The following TBC1D32 variants were observed in gnomAD, a reference collection of about 807,000 sequenced individuals.
The protein encoded by TBC1D32 is protein broad-minded.
In TBC1D32, 151 loss-of-function variants were observed where a neutral mutation model predicts 170.3. The ratio of observed to expected loss-of-function variants is 0.89; its 90% confidence interval spans 0.78 to 1.01. The LOEUF is 1.01. TBC1D32 is among the 50% of genes least tolerant of loss of function. The probability of loss-of-function intolerance (pLI) is 0.00; values close to 1 mark genes in which losing one functional copy is unlikely to be tolerated. For missense variants in TBC1D32, 1,464 were observed against 1,457.1 expected (o/e 1.00, Z -0.08); for synonymous variants, 498 against 488.0 (o/e 1.02, Z -0.27).
chr6:121,213,283 T>C (rs1180870796), intron 21 of TBC1D32, among the ~76,000 whole-genome samples: 1 of 151,958 alleles, frequency 6.6e-6, no homozygotes, highest in African/African-American at 2.4e-5. Context: ...GACGGCATGA[T>C]TCTATATCTA....
At chr6:121,280,505 A>G (rs1802832128) in intron 14 of TBC1D32, among the ~76,000 whole-genome samples, 1 of 151,832 alleles carries the variant, frequency 6.6e-6, no homozygotes, top group Non-Finnish European at 1.5e-5. Context: ...CAACTGCAGA[A>G]TTACATAACA....
intron 10 of TBC1D32, among the ~76,000 whole-genome samples, chr6:121,295,812 T>C (rs1246427970): frequency 6.6e-6 from 1 of 152,144 alleles, no homozygotes; most frequent in Non-Finnish European, 1.5e-5. Context: ...TGGCCTCAGT[T>C]GTATGCAGAA....
At position 121,283,915 on chromosome 6, in the gene TBC1D32, A is replaced by G. The variant is rs922798510; in HGVS notation, c.1373-5T>C. 10 of 1,570,586 alleles carry G rather than the reference A, an allele frequency of 6.4e-6. No individual in the cohort carries two copies. The highest frequency in any genetic ancestry group is 7.8e-6 in the Non-Finnish European group (9 of 1,149,376). On this transcript the variant is annotated splice_polypyrimidine_tract_variant and splice_region_variant and intron_variant, in intron 12 of 31. Transcript: ENST00000398212. The stretch of plus-strand genomic sequence containing the variant: ...GATCTATGAGGGATACCAAACCTTT[A>G]AAAAGAAAATAAAGAGAAAATTAAT...
intron 20 of TBC1D32, among the ~76,000 whole-genome samples, chr6:121,229,613 C>T (rs1317754828): frequency 2.6e-5 from 4 of 152,110 alleles, no homozygotes; most frequent in African/African-American, 9.7e-5. Context: ...TTAGCCATTT[C>T]TGTTTTAATG....
chr6:121,131,549 C>G (rs1781440756), intron 25 of TBC1D32, 78 bp downstream of exon 25: 1 of 1,458,580 alleles, frequency 6.9e-7, no homozygotes, highest in African/African-American at 1.4e-5. Context: ...TATGCCAATA[C>G]TAATCTTTAA....
At chr6:121,113,217 T>A (rs1779366969) in intron 27 of TBC1D32, 40 bp from the exon 28 acceptor site, 3 of 1,339,614 alleles carry the variant, frequency 2.2e-6, no homozygotes, top group Non-Finnish European at 3.1e-6. Flanking sequence ...ATATCAGGTC[T>A]TGCATTGAAT....
Position 121,292,174 on chromosome 6 carries a change from G to C in TBC1D32, c.1251C>G (p.Phe417Leu). The change falls in exon 12 of 32, where the codon TTC becomes TTG. Residue 417 changes from phenylalanine to leucine, a missense_variant. Around this residue, in one of 3 missense-constraint regions of TBC1D32, gnomAD observed 1,363 missense variants for 1,338.1 expected, o/e 1.02. Coordinates refer to ENST00000398212, the MANE Select transcript of TBC1D32 (RefSeq NM_152730.6). The stretch of plus-strand genomic sequence containing the variant: ...ATTGTAATTCTTGTCCTAAGTAGTA[G>C]AAAGTTTTCTGCTTGTTTCCTTAAA... Reference protein sequence around the residue: ...SKHCRNKQKTFYYLGQELQYI... With the variant: ...SKHCRNKQKTLYYLGQELQYI... The C allele has an allele frequency of 4.4e-6, 7 of 1,592,686 alleles. No individual in the cohort carries two copies. The highest frequency in any genetic ancestry group is 5.1e-6 in the Non-Finnish European group (6 of 1,170,608).
At chr6:121,267,147 G>A (rs1440631293) in intron 15 of TBC1D32, among the ~76,000 whole-genome samples, 1 of 151,746 alleles carries the variant, frequency 6.6e-6, no homozygotes, top group Non-Finnish European at 1.5e-5. Context: ...AAAAGGTCGG[G>A]GGGAGGTTCC....
Position 121,300,106 on chromosome 6 carries a change from GAT to G in TBC1D32, c.1081-603_1081-602del, listed in dbSNP as rs1806239621. On this transcript the variant is annotated intron_variant, in intron 9 of 31. Coordinates refer to ENST00000398212, the MANE Select transcript of TBC1D32 (RefSeq NM_152730.6). ...AATATTGTTTAGCTGGATTATATAA[GAT>G]ATCATTAGTGTTCAAAATATAGTTT... Among the ~76,000 whole-genome samples, 3 of 152,134 alleles carry G rather than the reference GAT, an allele frequency of 2.0e-5. No homozygotes were observed. In the South Asian group the frequency reaches 6.2e-4, roughly 31 times the overall value.
At chr6:121,270,450 A>G (rs1184101093) in intron 15 of TBC1D32, among the ~76,000 whole-genome samples, 1 of 152,202 alleles carries the variant, frequency 6.6e-6, no homozygotes, top group Non-Finnish European at 1.5e-5. Context: ...TCCCACAGAA[A>G]TACAAACTAC....
intron 25 of TBC1D32, among the ~76,000 whole-genome samples, chr6:121,129,705 A>C (rs901904861): frequency 2.6e-5 from 4 of 152,196 alleles, no homozygotes; most frequent in African/African-American, 9.6e-5. Flanking sequence ...AACAAATTAG[A>C]GACAGACTTA....
rs1582720105 is a variant in TBC1D32, at chr6:121,090,879, T to A, written c.3628A>T (p.Thr1210Ser). The stretch of plus-strand genomic sequence containing the variant: ...TTTAGGAAAACTTGCAGATCTTGAG[T>A]CTGAGTGTGCTGTAGAATGTCTTGC... ...LQQDILQHTQ[T>S]QDLQVFLKEE... Residue 1210 changes from threonine (T) to serine (S), a missense_variant, in exon 31 of 32, where the codon ACT becomes TCT. Thr to Ser is a moderately conservative substitution (Grantham distance 58). Coordinates refer to ENST00000398212, the MANE Select transcript of TBC1D32 (RefSeq NM_152730.6). The A allele has an allele frequency of 6.2e-7, 1 of 1,611,036 alleles. No individual in the cohort carries two copies. The highest frequency in any genetic ancestry group is 8.5e-7 in the Non-Finnish European group (1 of 1,179,124).
At chr6:121,125,431 CTG>C (rs1780721132) in intron 26 of TBC1D32, among the ~76,000 whole-genome samples, 1 of 152,028 alleles carries the variant, frequency 6.6e-6, no homozygotes. Context: ...ATAAGGAAGA[CTG>C]GAGTTGAGAC....
chr6:121,218,721 C>T lies in TBC1D32; in HGVS notation c.2481+4515G>A, dbSNP rs149488675. 9.0e-3 allele frequency among the ~76,000 whole-genome samples: 1,363 copies of T among 152,156 alleles called. 24 individuals carry two copies. Among genetic ancestry groups the T allele is most frequent in the African/African-American group, 0.031 (1,278 of 41,488 alleles). ...CTATTAGTTCTGTCCCTCTAAAGAACGCTGACTAATACACCATATGTCATG... is the reference window on the plus strand; with the variant it reads ...CTATTAGTTCTGTCCCTCTAAAGAATGCTGACTAATACACCATATGTCATG... On this transcript the variant is annotated intron_variant, in intron 21 of 31. Transcript: ENST00000398212.
At chr6:121,253,406 G>A (rs925741264) in intron 17 of TBC1D32, among the ~76,000 whole-genome samples, 6 of 151,956 alleles carry the variant, frequency 3.9e-5, no homozygotes, top group African/African-American at 1.2e-4. Context: ...ACTTATTCCC[G>A]CAAGAAAAAA....
In TBC1D32 at chr6:121,278,980, A is replaced by G. The variant is rs928633766; in HGVS notation, c.1733+141T>C. 6 of 845,528 alleles carry G rather than the reference A, an allele frequency of 7.1e-6. No homozygotes were observed. In the African/African-American group the frequency reaches 9.0e-5, roughly 13 times the overall value. The allele number at this position is 845,528 out of a possible 1,614,324, so 52.4% of individuals were successfully genotyped here. ...TCTCCTATTCTTATTTTGAAATTAC[A>G]GACGTCAAGTTCTACTCTGGCTGCA... On this transcript the variant is annotated intron_variant, in intron 15 of 31. Transcript: ENST00000398212.
intron 4 of TBC1D32, among the ~76,000 whole-genome samples, chr6:121,310,449 TC>T (rs57250727): frequency 0.011 from 1,706 of 152,268 alleles, 28 homozygotes; most frequent in African/African-American, 0.039. Context: ...AAAATCTTTT[TC>T]TTAAGAAATG....
chr6:121,204,581 A>C (rs1791991262), intron 22 of TBC1D32, among the ~76,000 whole-genome samples: 1 of 151,378 alleles, frequency 6.6e-6, no homozygotes, highest in African/African-American at 2.5e-5. Flanking sequence ...ACTACGCCTT[A>C]TTTCCCATTT....
intron 15 of TBC1D32, among the ~76,000 whole-genome samples, chr6:121,269,921 C>G (rs1801121590): frequency 6.6e-6 from 1 of 151,996 alleles, no homozygotes; most frequent in African/African-American, 2.4e-5. Flanking sequence ...TCTCTCAGAC[C>G]ACAGTGCAAT....
Sources: gnomAD v4.1 joint callset for allele counts (sites outside exome capture counted in the v4.1 genomes callset) on GRCh38, gnomAD v4.1.1 for gene constraint, gnomAD v4.1.1 regional missense constraint, MANE v1.5 for transcripts, NCBI Gene and HGNC (gene_info 2026-07-23, HGNC 2026-07-21) for gene names.